Variants in AARS1 observed in about 807,000 individuals in gnomAD.
AARS1 encodes alanyl-tRNA synthetase 1.
A neutral mutation model predicts 108.9 loss-of-function variants in AARS1; 72 were observed. The ratio of observed to expected loss-of-function variants is 0.66; its 90% CI spans 0.55 to 0.80. AARS1 has a LOEUF of 0.80. Ranked by LOEUF, AARS1 falls within the 30% of genes least tolerant of loss-of-function variation. The pLI, the probability that AARS1 is intolerant of heterozygous loss-of-function variation, is 0.00. For synonymous variants in AARS1, 489 were observed against 465.7 expected (o/e 1.05, Z -0.64); for missense variants, 1,193 against 1,233.2 (o/e 0.97, Z 0.49).
chr16:70,287,900 G>T (rs1399638153), intron 1 of AARS1, among the ~76,000 whole-genome samples: 3 of 151,926 alleles, frequency 2.0e-5, no homozygotes, highest in Admixed American at 2.0e-4. Context: ...TGAGTAGCTG[G>T]GAATACAGGC....
At chr16:70,264,365 G>A (rs1960214378) in intron 11 of AARS1, among the ~76,000 whole-genome samples, 1 of 151,638 alleles carries the variant, frequency 6.6e-6, no homozygotes, top group African/African-American at 2.4e-5. Context: ...TGTCCAGGCT[G>A]GAGTGCAATG....
chr16:70,288,918 G>C lies in AARS1; in HGVS notation c.-22+503C>G, dbSNP rs373452557. Among the ~76,000 whole-genome samples the C allele has an allele frequency of 7.9e-5, 12 of 152,020 alleles. No individual in the cohort carries two copies. The East Asian group carries it at 9.6e-4, about 12-fold the overall frequency. On this transcript the variant is annotated intron_variant, in intron 1 of 20. Transcript: ENST00000261772. ...ATCTAGTACAGTGGCTGCTAAATAC[G>C]TATTTCGTGATCAGGTATACTAATC...
chr16:70,259,942 T>A (rs1960094702), intron 13 of AARS1, among the ~76,000 whole-genome samples: 1 of 152,078 alleles, frequency 6.6e-6, no homozygotes, highest in African/African-American at 2.4e-5. Context: ...CCGGCTAATT[T>A]TGTATTTTTA....
At chr16:70,267,840 G>A (rs1463959697) in intron 8 of AARS1, 31 bp from the exon 9 acceptor site, 1 of 1,614,036 alleles carries the variant, frequency 6.2e-7, no homozygotes. Flanking sequence ...TGAGGGGCTG[G>A]ATGAAGCCAG....
At chr16:70,269,984 T>C (rs1327591217) in intron 6 of AARS1, among the ~76,000 whole-genome samples, 3 of 146,414 alleles carry the variant, frequency 2.0e-5, no homozygotes, top group East Asian at 1.9e-4. Flanking sequence ...CACATTATTA[T>C]TTTTTTTTTG....
intron 2 of AARS1, among the ~76,000 whole-genome samples, chr16:70,279,861 C>A (rs943099247): frequency 6.6e-6 from 1 of 151,894 alleles, no homozygotes; most frequent in Non-Finnish European, 1.5e-5. Context: ...TAGGTATATG[C>A]ATAGGACTCA....
At chr16:70,283,720 G>A (rs1430873586) in intron 1 of AARS1, among the ~76,000 whole-genome samples, 1 of 152,146 alleles carries the variant, frequency 6.6e-6, no homozygotes, top group African/African-American at 2.4e-5. Context: ...TCTGTACAAG[G>A]GACCACCTGT....
chr16:70,267,246 C>A lies in AARS1; in HGVS notation c.1222+413G>T, dbSNP rs1193942682. On this transcript the variant is annotated intron_variant, in intron 9 of 20. Coordinates refer to ENST00000261772, the MANE Select transcript of AARS1 (RefSeq NM_001605.3). The stretch of plus-strand genomic sequence containing the variant: ...AATCTTTGGAAACTGGGGAGAAAAT[C>A]TTTGGAATTAATTTTCCCCAAATTG... Among the ~76,000 whole-genome samples the A allele has an allele frequency of 3.3e-5, 5 of 152,148 alleles. 1 individual carries two copies. Among genetic ancestry groups the A allele is most frequent in the Non-Finnish European group, 7.4e-5 (5 of 68,022 alleles).
At chr16:70,267,446 C>T (rs532320813) in intron 9 of AARS1, among the ~76,000 whole-genome samples, 1 of 152,270 alleles carries the variant, frequency 6.6e-6, no homozygotes, top group Admixed American at 6.5e-5. Flanking sequence ...TTTCTGAACA[C>T]TTTTGTATTC....
intron 6 of AARS1, 22 bp downstream of exon 6, chr16:70,270,174 A>G (rs1171756383): frequency 1.2e-6 from 2 of 1,613,856 alleles, no homozygotes; most frequent in African/African-American, 2.7e-5. Flanking sequence ...GAAGTTTACA[A>G]TGTTTGCAAT....
intron 2 of AARS1, among the ~76,000 whole-genome samples, chr16:70,280,180 A>G (rs2152168922): frequency 6.6e-6 from 1 of 152,274 alleles, no homozygotes; most frequent in Middle Eastern, 3.4e-3. Flanking sequence ...GCCTCCCAAA[A>G]TGCTGGAATT....
At position 70,252,872 on chromosome 16, in the gene AARS1, C is replaced by T; in HGVS notation, c.2756G>A (p.Trp919Ter). The T allele has an allele frequency of 6.2e-7, 1 of 1,614,138 alleles. No homozygotes were observed. Among genetic ancestry groups the T allele is most frequent in the Non-Finnish European group, 8.5e-7 (1 of 1,179,956 alleles). ...AANRGLKASE[W>*]VQQVSGLMDG... ...CATCAAGCCTGACACCTGCTGCACC[C>T]ACTCGCTGGCTTTTAAGCCCCGATT... The change falls in exon 21 of 21, where the codon TGG becomes TAG. Residue 919 changes from tryptophan (W) to a stop codon, truncating the protein, a stop_gained. Transcript: ENST00000261772. LOFTEE classifies it high-confidence loss of function.
chr16:70,252,886 TA>T lies in AARS1; in HGVS notation c.2741del (p.Leu914Ter), dbSNP rs747345978. 1.3e-5 allele frequency: 21 copies of T among 1,614,198 alleles called. No individual in the cohort carries two copies. The Admixed American group carries it at 2.5e-4, about 19-fold the overall frequency. The stretch of plus-strand genomic sequence containing the variant: ...CCTGCTGCACCCACTCGCTGGCTTT[TA>T]AGCCCCGATTGGCTGCATTCTAGAA... ...QVPQNAANRG[L>X]KASEWVQQVS... is the part of the protein sequence containing the mutation. On this transcript the variant is annotated frameshift_variant, in exon 21 of 21. Transcript: ENST00000261772. LOFTEE classifies it high-confidence loss of function.
At chr16:70,287,415 G>A (rs1387935379) in intron 1 of AARS1, among the ~76,000 whole-genome samples, 2 of 150,396 alleles carry the variant, frequency 1.3e-5, no homozygotes, top group East Asian at 2.0e-4. Flanking sequence ...GTGACAAAGC[G>A]AGACCTGTTT....
Position 70,282,767 on chromosome 16 carries a change from G to A in AARS1, c.-4C>T. ...TTGCTGTTAGAGTAGAGTCCATCTT[G>A]AAAGTCACCCCAAAGAACTAATCAA... On this transcript the variant is annotated 5_prime_UTR_variant, in exon 2 of 21. Transcript: ENST00000261772. 1 of 1,613,890 alleles carries A rather than the reference G, an allele frequency of 6.2e-7. No individual in the cohort carries two copies. Among genetic ancestry groups the A allele is most frequent in the Non-Finnish European group, 8.5e-7 (1 of 1,179,940 alleles).
chr16:70,265,129 T>A (rs752727061), intron 10 of AARS1, 27 bp from the exon 11 acceptor site: 2 of 1,613,556 alleles, frequency 1.2e-6, no homozygotes, highest in African/African-American at 2.7e-5. Context: ...CAAGCATAAG[T>A]TACCGTAAAG....
chr16:70,260,974 G>T, intron 13 of AARS1, 70 bp downstream of exon 13: 1 of 1,277,338 alleles, frequency 7.8e-7, no homozygotes, highest in Non-Finnish European at 1.1e-6. Context: ...ACAGTGACAG[G>T]ACAATTTAAA....
At chr16:70,272,924 A>ACACAC (rs1567608986) in intron 4 of AARS1, among the ~76,000 whole-genome samples, 10 of 150,886 alleles carry the variant, frequency 6.6e-5, no homozygotes, top group South Asian at 2.1e-4. Context: ...ACACACACAC[A>ACACAC]AAAGATTGTG....
chr16:70,262,297 G>C (rs1468315733), intron 12 of AARS1, 49 bp downstream of exon 12: 10 of 1,612,104 alleles, frequency 6.2e-6, no homozygotes, highest in Non-Finnish European at 8.5e-6. Flanking sequence ...CAGCTCCCCG[G>C]CTCCACGCCT....
Sources: gnomAD v4.1 joint callset for allele counts (sites outside exome capture counted in the v4.1 genomes callset) on GRCh38, gnomAD v4.1.1 for gene constraint, MANE v1.5 for transcripts, NCBI Gene and HGNC (gene_info 2026-07-23, HGNC 2026-07-21) for gene names.